The following BTBD7 variants were observed in gnomAD, a reference collection of about 807,000 sequenced individuals.
BTBD7 encodes BTB/POZ domain-containing protein 7.
Under a neutral mutation model 99.9 loss-of-function variants are expected in BTBD7, and 38 were observed. The ratio of observed to expected loss-of-function variants is 0.38; its 90% CI spans 0.29 to 0.50. The LOEUF is 0.50. Ranked by LOEUF, BTBD7 falls within the 20% of genes least tolerant of loss-of-function variation. The pLI, the probability that BTBD7 is intolerant of heterozygous loss-of-function variation, is 0.93. For missense variants in BTBD7, 1,170 were observed against 1,394.6 expected (o/e 0.84, Z 2.57); for synonymous variants, 520 against 511.4 (o/e 1.02, Z -0.23).
chr14:93,287,682 C>T (rs1455971314), intron 3 of BTBD7: 4 of 152,076 alleles, frequency 2.6e-5, no homozygotes, highest in African/African-American at 4.8e-5. Context: ...TGATTTCTTC[C>T]GAGACACCTC....
Position 93,241,986 on chromosome 14 carries a change from T to A in BTBD7, c.*287A>T. The A allele has an allele frequency of 4.6e-6, 2 of 434,512 alleles. No individual in the cohort carries two copies. Among genetic ancestry groups the A allele is most frequent in the Non-Finnish European group, 8.1e-6 (2 of 246,848 alleles). 26.9% of individuals were successfully genotyped at this position (434,512 alleles called of 1,614,324 possible). A position where few individuals can be genotyped will look rare whatever the true frequency, so the allele number is the denominator to read the frequency against. On this transcript the variant is annotated 3_prime_UTR_variant, in exon 11 of 11. Transcript: ENST00000334746. ...AAATAAATGTACAAGTGCAAAAAAATTCCATCATTTGTAAAGAGAAATAAA... is the reference window on the plus strand; with the variant it reads ...AAATAAATGTACAAGTGCAAAAAAAATCCATCATTTGTAAAGAGAAATAAA...
At position 93,330,473 on chromosome 14, in the gene BTBD7, G is replaced by T. The variant is rs78111320; in HGVS notation, c.-107+2347C>A. ...TTCCCAAGTTCTTTGGACTCTTGGG[G>T]TCTCACTCATCTCTCTCTACCCTGT... On this transcript the variant is annotated intron_variant, in intron 1 of 10. Coordinates refer to ENST00000334746, the MANE Select transcript of BTBD7 (RefSeq NM_001002860.4). Among the ~76,000 whole-genome samples the T allele has an allele frequency of 7.2e-5, 11 of 152,108 alleles. No individual in the cohort carries two copies. The East Asian group carries it at 2.1e-3, about 29-fold the overall frequency.
rs113211629 is a variant in BTBD7 at position 93,319,913 on chromosome 14, C to G, written c.-107+12907G>C. Among the ~76,000 whole-genome samples, 487 of 151,862 alleles carry G rather than the reference C, an allele frequency of 3.2e-3. 2 individuals are homozygous for G. The highest frequency in any genetic ancestry group is 0.014 in the Middle Eastern group (4 of 294). On this transcript the variant is annotated intron_variant, in intron 1 of 10. Transcript: ENST00000334746. ...GACTTGAGAGTTGAATAACAGAGAA[C>G]AAGAAAGAAAGGGGCAAAGATGATG...
chr14:93,257,903 A>T (rs2052447394), intron 5 of BTBD7, among the ~76,000 whole-genome samples: 1 of 149,294 alleles, frequency 6.7e-6, no homozygotes, highest in South Asian at 2.1e-4. Context: ...TAATATGGGA[A>T]CATTACTGCA....
At position 93,331,523 on chromosome 14, in the gene BTBD7, T is replaced by A. The variant is rs1448410463; in HGVS notation, c.-107+1297A>T. On this transcript the variant is annotated intron_variant, in intron 1 of 10. Transcript: ENST00000334746. ...CAATTTCAAGTCTTTCTTCCACATT[T>A]CAGGAAGAAAGCAATTCATTTCAGC... is the stretch of plus-strand genomic sequence containing the variant. Among the ~76,000 whole-genome samples, 4 of 152,202 alleles carry A rather than the reference T, an allele frequency of 2.6e-5. No individual in the cohort carries two copies. The East Asian group carries it at 7.7e-4, about 29-fold the overall frequency.
At chr14:93,278,179 G>A (rs961649811) in intron 3 of BTBD7, among the ~76,000 whole-genome samples, 25 of 152,268 alleles carry the variant, frequency 1.6e-4, no homozygotes, top group African/African-American at 4.8e-4. Flanking sequence ...TTGGGAAGCC[G>A]AGGTGGGTGG....
chr14:93,301,818 T>A lies in BTBD7; in HGVS notation c.-106-5661A>T, dbSNP rs115219944. Among the ~76,000 whole-genome samples, 1,077 of 152,352 alleles carry A rather than the reference T, an allele frequency of 7.1e-3. 14 individuals are homozygous for A. The highest frequency in any genetic ancestry group is 0.025 in the African/African-American group (1,031 of 41,572). ...AGACCATAGGCATTTGGACTCCCCA[T>A]GTAATGAAAATTAACAAAGGGACAG... is the stretch of plus-strand genomic sequence containing the variant. On this transcript the variant is annotated intron_variant, in intron 1 of 10. Transcript: ENST00000334746.
chr14:93,313,678 C>CAA (rs1566862541), intron 1 of BTBD7, among the ~76,000 whole-genome samples: 4 of 96,632 alleles, frequency 4.1e-5, no homozygotes, highest in African/African-American at 1.7e-4. Flanking sequence ...TAAAATGAAA[C>CAA]TACACACACA....
intron 1 of BTBD7, among the ~76,000 whole-genome samples, chr14:93,324,500 A>T (rs1373384519): frequency 6.6e-6 from 1 of 152,208 alleles, no homozygotes; most frequent in African/African-American, 2.4e-5. Flanking sequence ...ATCTGTCATG[A>T]GAAGTCCTGT....
Position 93,294,231 on chromosome 14 carries a change from A to C in BTBD7, c.789T>G (p.Phe263Leu), listed in dbSNP as rs754610827. 5.6e-6 allele frequency: 9 copies of C among 1,613,664 alleles called. No individual in the cohort carries two copies. In the African/African-American group the frequency reaches 1.2e-4, roughly 22 times the overall value. Reference protein sequence around the residue: ...FSSDSELVEAFGGNQNCLDEE... With the variant: ...FSSDSELVEALGGNQNCLDEE... ...CATCTAAACAGTTCTGATTTCCACC[A>C]AAAGCTTCAACCAGTTCAGAGTCTG... Residue 263 changes from phenylalanine (F) to leucine (L), a missense_variant, in exon 3 of 11, where the codon TTT becomes TTG. Phe to Leu is a conservative substitution (Grantham distance 22). Around this residue, in one of 4 missense-constraint regions of BTBD7, gnomAD observed 359 missense variants for 497.9 expected, o/e 0.72. Coordinates refer to ENST00000334746, the MANE Select transcript of BTBD7 (RefSeq NM_001002860.4).
chr14:93,282,726 T>A (rs149893866), intron 3 of BTBD7, among the ~76,000 whole-genome samples: 1 of 152,184 alleles, frequency 6.6e-6, no homozygotes. Flanking sequence ...TCCTTCCTTC[T>A]GTCATTTTCC....
intron 1 of BTBD7, among the ~76,000 whole-genome samples, chr14:93,322,659 A>G (rs1343058683): frequency 2.6e-5 from 4 of 152,356 alleles, no homozygotes; most frequent in Admixed American, 1.3e-4. Context: ...GAACTAAAGC[A>G]CAGAAAAGTT....
chr14:93,326,694 T>C (rs968323746), intron 1 of BTBD7, among the ~76,000 whole-genome samples: 6 of 151,086 alleles, frequency 4.0e-5, no homozygotes, highest in Non-Finnish European at 7.4e-5. Flanking sequence ...CCCAGCTACT[T>C]GGGAGGCTGA....
At chr14:93,268,571 G>T (rs2052566917) in intron 3 of BTBD7, among the ~76,000 whole-genome samples, 1 of 152,030 alleles carries the variant, frequency 6.6e-6, no homozygotes, top group Admixed American at 6.5e-5. Flanking sequence ...TCTTCTCAAA[G>T]AAGGGTGTAT....
chr14:93,248,383 G>C, intron 9 of BTBD7, 93 bp downstream of exon 9: 2 of 1,351,750 alleles, frequency 1.5e-6, no homozygotes, highest in Non-Finnish European at 2.0e-6. Context: ...ACGACGAAAA[G>C]GAAATAAGCC....
intron 1 of BTBD7, among the ~76,000 whole-genome samples, chr14:93,300,239 G>A (rs1487891467): frequency 6.6e-6 from 1 of 151,058 alleles, no homozygotes; most frequent in Admixed American, 6.6e-5. Context: ...GGATGGGGAA[G>A]GAAGTTCTTT....
intron 1 of BTBD7, 58 bp downstream of exon 1, chr14:93,332,762 G>T (rs568682297): frequency 6.9e-7 from 1 of 1,445,904 alleles, no homozygotes; most frequent in Non-Finnish European, 9.1e-7. Flanking sequence ...CGGACGCCCC[G>T]CGCCACACCG....
Position 93,263,818 on chromosome 14 carries a change from A to G in BTBD7, c.1338T>C (p.His446=). Residue 446 remains histidine (H), a synonymous_variant, in exon 4 of 11, where the codon CAT becomes CAC. Coordinates refer to ENST00000334746, the MANE Select transcript of BTBD7 (RefSeq NM_001002860.4). ...AGTCAGACTGGATAGCAGTAAGCAG[A>G]TGGTCTTTGCTGAGTTCATAAAAAA... is the stretch of plus-strand genomic sequence containing the variant. ...SDVFYELSKD[H]LLTAIQSDYL... is the part of the protein sequence containing the mutation. The G allele has an allele frequency of 6.2e-7, 1 of 1,614,174 alleles. No individual in the cohort carries two copies. The highest frequency in any genetic ancestry group is 8.5e-7 in the Non-Finnish European group (1 of 1,180,014).
intron 6 of BTBD7, among the ~76,000 whole-genome samples, chr14:93,255,315 T>C (rs1166322137): frequency 6.6e-6 from 1 of 152,058 alleles, no homozygotes; most frequent in African/African-American, 2.4e-5. Context: ...CTGGCTAATT[T>C]TTGTATTTTT....
Sources: allele counts gnomAD v4.1 joint callset (sites outside exome capture counted in the v4.1 genomes callset), GRCh38; gene constraint gnomAD v4.1.1; regional missense constraint gnomAD v4.1.1; transcripts MANE v1.5; gene names NCBI Gene and HGNC (gene_info 2026-07-23, HGNC 2026-07-21).